MACROD2: variants seen among roughly 807,000 people sequenced by gnomAD.
MACROD2 encodes mono-ADP ribosylhydrolase 2.
A neutral mutation model predicts 70.4 loss-of-function variants in MACROD2; 36 were observed. The ratio of observed to expected loss-of-function variants is 0.51; its 90% CI spans 0.39 to 0.68. The LOEUF (loss-of-function observed/expected upper bound fraction) is 0.68. MACROD2 is among the 30% of genes least tolerant of loss of function. MACROD2 has a pLI of 0.00. For synonymous variants in MACROD2, 172 were observed against 178.8 expected, an observed-to-expected ratio of 0.96 and a Z score of 0.30; for missense variants, 496 against 538.4, an observed-to-expected ratio of 0.92 and a Z score of 0.78.
At chr20:15,676,912 C>T (rs1003548393) in intron 8 of MACROD2, among the ~76,000 whole-genome samples, 26 of 152,240 alleles carry the variant, frequency 1.7e-4, no homozygotes, top group East Asian at 3.9e-4. Context: ...AACAACAACA[C>T]GTACTGAAGA....
intron 8 of MACROD2, among the ~76,000 whole-genome samples, chr20:15,651,724 C>T (rs569254047): frequency 1.3e-5 from 2 of 152,226 alleles, no homozygotes; most frequent in East Asian, 3.9e-4. Flanking sequence ...CACCTCCACT[C>T]GAGATTATTC....
At chr20:15,909,227 G>A (rs963844374) in intron 10 of MACROD2, among the ~76,000 whole-genome samples, 1 of 152,182 alleles carries the variant, frequency 6.6e-6, no homozygotes, top group African/African-American at 2.4e-5. Flanking sequence ...TACCAGCATG[G>A]GGGGCTTAGG....
chr20:14,823,780 G>A (rs2072873421), intron 5 of MACROD2, among the ~76,000 whole-genome samples: 1 of 150,892 alleles, frequency 6.6e-6, no homozygotes, highest in Non-Finnish European at 1.5e-5. Context: ...GGCTTTTTTT[G>A]TTTGTTTGTT....
chr20:14,867,926 T>C (rs1600746322), intron 5 of MACROD2, among the ~76,000 whole-genome samples: 1 of 152,208 alleles, frequency 6.6e-6, no homozygotes, highest in South Asian at 2.1e-4. Flanking sequence ...AAGACACCCC[T>C]AAGGCTTATA....
chr20:14,017,354 T>C (rs1429434584), intron 2 of MACROD2, among the ~76,000 whole-genome samples: 1 of 152,150 alleles, frequency 6.6e-6, no homozygotes, highest in Non-Finnish European at 1.5e-5. Context: ...ACTTCCAATA[T>C]TATGTTGGCT....
chr20:14,262,593 A>G (rs960436145), intron 3 of MACROD2, among the ~76,000 whole-genome samples: 1 of 152,188 alleles, frequency 6.6e-6, no homozygotes, highest in Non-Finnish European at 1.5e-5. Context: ...ACTTGGAAAG[A>G]GCAAGTAGTT....
rs1222553338 is a variant in MACROD2 at position 14,942,043 on chromosome 20, C to A, written c.418+257084C>A. 5.3e-5 allele frequency among the ~76,000 whole-genome samples: 8 copies of A among 151,980 alleles called. No homozygotes were observed. In the South Asian group the frequency reaches 1.3e-3, roughly 24 times the overall value. On this transcript the variant is annotated intron_variant, in intron 5 of 17. Coordinates refer to ENST00000684519, the MANE Select transcript of MACROD2 (RefSeq NM_001351661.2). ...CAAACACCTGAACTCAAGCAACCAA[C>A]CTGCCTCAGCATCCCGAAGTGCTGG...
chr20:15,462,085 G>A (rs1354167113), intron 7 of MACROD2, among the ~76,000 whole-genome samples: 1 of 152,126 alleles, frequency 6.6e-6, no homozygotes, highest in Non-Finnish European at 1.5e-5. Context: ...CCTGCTAGGT[G>A]AAAATTATAT....
At chr20:15,806,594 GT>G (rs567983585) in intron 8 of MACROD2, among the ~76,000 whole-genome samples, 8 of 150,252 alleles carry the variant, frequency 5.3e-5, no homozygotes, top group African/African-American at 1.2e-4. Context: ...TGGACCTTAT[GT>G]TTTTTTTTCA....
intron 5 of MACROD2, among the ~76,000 whole-genome samples, chr20:15,229,345 A>G (rs1461191416): frequency 2.6e-5 from 4 of 152,226 alleles, no homozygotes; most frequent in Admixed American, 2.0e-4. Context: ...ATAGGTATGA[A>G]CTATTAGCAT....
intron 5 of MACROD2, among the ~76,000 whole-genome samples, chr20:14,700,207 G>A (rs2071178840): frequency 6.6e-6 from 1 of 152,064 alleles, no homozygotes; most frequent in African/African-American, 2.4e-5. Context: ...TTTTGTGTGT[G>A]TGTCTCTGTG....
intron 8 of MACROD2, among the ~76,000 whole-genome samples, chr20:15,824,736 T>C (rs1011194846): frequency 3.3e-5 from 5 of 152,212 alleles, no homozygotes; most frequent in African/African-American, 9.6e-5. Context: ...TAAGAGACAC[T>C]GTCCATGGAA....
chr20:15,244,031 T>C (rs175316), intron 6 of MACROD2, among the ~76,000 whole-genome samples: 40,663 of 152,124 alleles, frequency 0.27, 5,618 homozygotes, highest in Middle Eastern at 0.31. Context: ...ATATTAAATA[T>C]GAAGATAATA....
chr20:15,977,071 G>A (rs2066317137), intron 13 of MACROD2, among the ~76,000 whole-genome samples: 1 of 152,084 alleles, frequency 6.6e-6, no homozygotes, highest in Admixed American at 6.5e-5. Flanking sequence ...GGGACACACA[G>A]GAATACAGAT....
intron 3 of MACROD2, among the ~76,000 whole-genome samples, chr20:14,193,201 C>T (rs1452461815): frequency 2.6e-5 from 4 of 152,200 alleles, no homozygotes; most frequent in Non-Finnish European, 5.9e-5. Context: ...CCATTCATTT[C>T]TAGTGAGCTA....
At chr20:15,234,291 CAA>C (rs1338258318) in intron 6 of MACROD2, among the ~76,000 whole-genome samples, 4 of 150,742 alleles carry the variant, frequency 2.7e-5, no homozygotes, top group Admixed American at 6.6e-5. Context: ...CTCGGCCTCC[CAA>C]AGTGCTGGGA....
intron 6 of MACROD2, among the ~76,000 whole-genome samples, chr20:15,390,941 C>T (rs952743040): frequency 2.6e-5 from 4 of 152,138 alleles, no homozygotes; most frequent in South Asian, 2.1e-4. Context: ...TTCATTGATG[C>T]ATTGTTCATT....
chr20:14,968,689 C>G (rs969744674), intron 5 of MACROD2, among the ~76,000 whole-genome samples: 5 of 152,090 alleles, frequency 3.3e-5, no homozygotes, highest in African/African-American at 1.2e-4. Flanking sequence ...TGGATGGACC[C>G]AAGAATTTGC....
intron 15 of MACROD2, among the ~76,000 whole-genome samples, chr20:16,031,568 A>G (rs1053486570): frequency 2.0e-5 from 3 of 152,218 alleles, no homozygotes; most frequent in African/African-American, 4.8e-5. Flanking sequence ...GTAGAAACAC[A>G]TCAGAAGTCC....
Sources: gnomAD v4.1 joint callset for allele counts (sites outside exome capture counted in the v4.1 genomes callset) on GRCh38, gnomAD v4.1.1 for gene constraint, MANE v1.5 for transcripts, NCBI Gene and HGNC (gene_info 2026-07-23, HGNC 2026-07-21) for gene names.